SPATA17: variants seen among roughly 807,000 people sequenced by gnomAD.
SPATA17 encodes the protein spermatogenesis-associated protein 17.
In SPATA17, 53 loss-of-function variants were observed where a neutral mutation model predicts 62.2. The observed-to-expected ratio is 0.85, with a 90% confidence interval of 0.68 to 1.07. The LOEUF is 1.07. SPATA17 is among the 50% of genes least tolerant of loss of function. The probability of loss-of-function intolerance (pLI) is 0.00; values close to 1 mark genes in which losing one functional copy is unlikely to be tolerated. For synonymous variants in SPATA17, 146 were observed against 146.8 expected (o/e 0.99, Z 0.04); for missense variants, 466 against 425.5 (o/e 1.10, Z -0.84).
rs374042087 is a variant in SPATA17 at position 217,770,978 on chromosome 1, A to ATTTTTTTTTTTTTTTTTTTTTT, written c.520-3347_520-3326dup. Among the ~76,000 whole-genome samples, 55 of 50,154 alleles carry ATTTTTTTTTTTTTTTTTTTTTT rather than the reference A, an allele frequency of 1.1e-3. 4 individuals are homozygous for ATTTTTTTTTTTTTTTTTTTTTT. The highest frequency in any genetic ancestry group is 5.0e-3 in the East Asian group (6 of 1,198). 32.9% of individuals were successfully genotyped at this position (50,154 alleles called of 152,430 possible). A position where few individuals can be genotyped will look rare whatever the true frequency, so the allele number is the denominator to read the frequency against. On this transcript the variant is annotated intron_variant, in intron 6 of 10. Coordinates refer to ENST00000366933, the MANE Select transcript of SPATA17 (RefSeq NM_138796.4). The stretch of plus-strand genomic sequence containing the variant: ...ATGTATCTATTATATAACTCATTGC[A>ATTTTTTTTTTTTTTTTTTTTTT]TTTTTTTTTTTTTTTTTTTTTTTTT...
At chr1:217,701,427 C>T (rs917779739) in intron 5 of SPATA17, among the ~76,000 whole-genome samples, 10 of 150,722 alleles carry the variant, frequency 6.6e-5, no homozygotes, top group Non-Finnish European at 1.2e-4. Flanking sequence ...CTCTTGTTGC[C>T]CAGGCTGGAG....
At chr1:217,677,281 CTAA>C (rs1361408684) in intron 4 of SPATA17, among the ~76,000 whole-genome samples, 1 of 151,686 alleles carries the variant, frequency 6.6e-6, no homozygotes, top group Non-Finnish European at 1.5e-5. Context: ...CCACTTGTGT[CTAA>C]AATACAAAAA....
At chr1:217,740,298 G>A (rs1672600742) in intron 5 of SPATA17, among the ~76,000 whole-genome samples, 2 of 151,732 alleles carry the variant, frequency 1.3e-5, no homozygotes, top group Non-Finnish European at 2.9e-5. Context: ...TTGGATACAT[G>A]CATTTCTGAG....
intron 5 of SPATA17, among the ~76,000 whole-genome samples, chr1:217,733,936 C>A (rs573934811): frequency 6.6e-6 from 1 of 152,268 alleles, no homozygotes; most frequent in South Asian, 2.1e-4. Context: ...TTGTGAAGGG[C>A]TGCCCTAATG....
At chr1:217,792,485 G>C (rs1674019304) in intron 8 of SPATA17, among the ~76,000 whole-genome samples, 1 of 152,116 alleles carries the variant, frequency 6.6e-6, no homozygotes, top group Non-Finnish European at 1.5e-5. Flanking sequence ...CTTAACTGAT[G>C]ACTTGTAAAT....
Position 217,712,128 on chromosome 1 carries a change from C to CTTTTTTTT in SPATA17, c.395+28771_395+28772insTTTTTTTT, listed in dbSNP as rs551988828. Among the ~76,000 whole-genome samples the CTTTTTTTT allele has an allele frequency of 2.8e-4, 38 of 134,108 alleles. 2 individuals are homozygous for CTTTTTTTT. The highest frequency in any genetic ancestry group is 3.9e-4 in the Non-Finnish European group (25 of 64,236). The allele number at this position is 134,108 out of a possible 152,430, so 88.0% of individuals were successfully genotyped here. On this transcript the variant is annotated intron_variant, in intron 5 of 10. Coordinates refer to ENST00000366933, the MANE Select transcript of SPATA17 (RefSeq NM_138796.4). ...GGACCCTTAAGTTCTACAATATGTTCTTTTGTTTTTTTTTTTTTACGGAGT... is the reference window on the plus strand; with the variant it reads ...GGACCCTTAAGTTCTACAATATGTTCTTTTTTTTTTTTGTTTTTTTTTTTTTACGGAGT...
At chr1:217,771,802 T>C (rs1299722640) in intron 6 of SPATA17, among the ~76,000 whole-genome samples, 1 of 152,166 alleles carries the variant, frequency 6.6e-6, no homozygotes, top group Non-Finnish European at 1.5e-5. Flanking sequence ...ACTGATCCAT[T>C]TGCATTTCCC....
chr1:217,744,121 AATTTC>A (rs1019561798), intron 6 of SPATA17, among the ~76,000 whole-genome samples: 1 of 152,218 alleles, frequency 6.6e-6, no homozygotes, highest in Non-Finnish European at 1.5e-5. Flanking sequence ...TTCTTTAACT[AATTTC>A]ATTTCATTTC....
At chr1:217,855,919 G>T (rs959400462) in intron 9 of SPATA17, among the ~76,000 whole-genome samples, 2 of 151,676 alleles carry the variant, frequency 1.3e-5, no homozygotes, top group Non-Finnish European at 2.9e-5. Context: ...TAGAGATGGG[G>T]TTTCACCATG....
chr1:217,666,624 G>T (rs1397432462), intron 3 of SPATA17, among the ~76,000 whole-genome samples: 1 of 151,822 alleles, frequency 6.6e-6, no homozygotes, highest in African/African-American at 2.4e-5. Flanking sequence ...GTAGCATTAA[G>T]TATATTCACA....
chr1:217,730,462 C>CTAT (rs1461151212), intron 5 of SPATA17, among the ~76,000 whole-genome samples: 1 of 152,058 alleles, frequency 6.6e-6, no homozygotes, highest in Non-Finnish European at 1.5e-5. Flanking sequence ...AGTGATCTAT[C>CTAT]TATACACCTT....
chr1:217,740,547 AG>A (rs1427625616), intron 5 of SPATA17, among the ~76,000 whole-genome samples: 1 of 152,122 alleles, frequency 6.6e-6, no homozygotes, highest in Non-Finnish European at 1.5e-5. Context: ...ACAGTTAATG[AG>A]GTTTGTTTGG....
chr1:217,631,720 A>T (rs1669781428), intron 1 of SPATA17, among the ~76,000 whole-genome samples: 1 of 152,078 alleles, frequency 6.6e-6, no homozygotes, highest in African/African-American at 2.4e-5. Context: ...CTTCGACATC[A>T]CCACTCTGCA....
At chr1:217,858,679 G>C (rs1409912483) in intron 9 of SPATA17, among the ~76,000 whole-genome samples, 1 of 151,874 alleles carries the variant, frequency 6.6e-6, no homozygotes, top group African/African-American at 2.4e-5. Context: ...CTTGAGCCCA[G>C]GAGTTCAAGG....
intron 5 of SPATA17, among the ~76,000 whole-genome samples, chr1:217,708,995 G>A (rs1671798254): frequency 6.6e-6 from 1 of 151,798 alleles, no homozygotes; most frequent in Non-Finnish European, 1.5e-5. Flanking sequence ...ATCCCTTCAT[G>A]ATAAAAATCT....
chr1:217,721,577 G>A (rs1221052529), intron 5 of SPATA17, among the ~76,000 whole-genome samples: 1 of 152,124 alleles, frequency 6.6e-6, no homozygotes, highest in Non-Finnish European at 1.5e-5. Context: ...CTCGCACAAG[G>A]TTGGTTACCC....
intron 5 of SPATA17, among the ~76,000 whole-genome samples, chr1:217,736,771 A>G (rs549896294): frequency 1.3e-5 from 2 of 152,224 alleles, no homozygotes; most frequent in African/African-American, 2.4e-5. Flanking sequence ...TCTTTTATAC[A>G]TTAATGTTGT....
chr1:217,660,639 CT>C (rs1330629059), intron 3 of SPATA17, among the ~76,000 whole-genome samples: 1 of 152,168 alleles, frequency 6.6e-6, no homozygotes, highest in Non-Finnish European at 1.5e-5. Flanking sequence ...CAAACTGAAG[CT>C]TTAAAGAGGT....
intron 4 of SPATA17, 102 bp downstream of exon 4, chr1:217,669,185 T>C: frequency 1.0e-6 from 1 of 953,886 alleles, no homozygotes; most frequent in Middle Eastern, 3.2e-4. Context: ...TTGATTGATA[T>C]GCTAATGGTA....
Sources: gnomAD v4.1 joint callset for allele counts (sites outside exome capture counted in the v4.1 genomes callset) on GRCh38, gnomAD v4.1.1 for gene constraint, MANE v1.5 for transcripts, NCBI Gene and HGNC (gene_info 2026-07-23, HGNC 2026-07-21) for gene names.